Variants in DMD observed in about 807,000 individuals in gnomAD.
DMD encodes the protein dystrophin.
In DMD, 63 loss-of-function variants were observed where a neutral mutation model predicts 330.1. The ratio of observed to expected loss-of-function variants is 0.19; its 90% CI spans 0.16 to 0.24. The LOEUF is 0.24. Ranked by LOEUF, DMD falls within the 10% of genes least tolerant of loss-of-function variation. The pLI is 1.00. For missense variants in DMD, 3,344 were observed against 2,684.1 expected, an observed-to-expected ratio of 1.25 and a Z score of -5.43; for synonymous variants, 1,223 against 959.8, an observed-to-expected ratio of 1.27 and a Z score of -5.07.
At chrX:33,181,862 C>A (rs768387180) in intron 1 of DMD, among the ~76,000 whole-genome samples, 1 of 111,884 alleles carries the variant, frequency 8.9e-6, no homozygotes, top group Non-Finnish European at 1.9e-5. Context: ...TTGTAAGATC[C>A]TGCTTTTGAC....
intron 21 of DMD, among the ~76,000 whole-genome samples, chrX:32,482,388 A>G (rs2041985665): frequency 9.0e-6 from 1 of 111,689 alleles, no homozygotes; most frequent in South Asian, 3.7e-4. Flanking sequence ...TTTTATATCA[A>G]GAGACTCATA....
chrX:32,553,057 C>A (rs1198478395), intron 16 of DMD, among the ~76,000 whole-genome samples: 4 of 111,911 alleles, frequency 3.6e-5, no homozygotes, highest in Non-Finnish European at 7.5e-5. Context: ...CCAGCAATAA[C>A]AATTATTGGG....
chrX:32,467,694 C>T (rs1265870974), intron 23 of DMD, among the ~76,000 whole-genome samples: 4 of 104,385 alleles, frequency 3.8e-5, no homozygotes, highest in Non-Finnish European at 7.8e-5. Context: ...TATATATATA[C>T]ATATATATAT....
intron 74 of DMD, among the ~76,000 whole-genome samples, chrX:31,153,942 C>A (rs934863928): frequency 8.9e-6 from 1 of 112,029 alleles, no homozygotes; most frequent in African/African-American, 3.2e-5. Flanking sequence ...AGTCTGAATT[C>A]TCTTTTAAGG....
intron 47 of DMD, among the ~76,000 whole-genome samples, chrX:31,879,146 A>T (rs2094014329): frequency 9.3e-6 from 1 of 106,983 alleles, no homozygotes; most frequent in African/African-American, 3.4e-5. Context: ...GTTAACAAAG[A>T]CATATCTGAG....
At chrX:32,596,964 A>C (rs1053464078) in intron 12 of DMD, among the ~76,000 whole-genome samples, 1 of 111,687 alleles carries the variant, frequency 9.0e-6, no homozygotes, top group Non-Finnish European at 1.9e-5. Flanking sequence ...AAGAAAATTT[A>C]ACTTCTCTAC....
intron 52 of DMD, among the ~76,000 whole-genome samples, chrX:31,702,635 C>CT (rs1004432223): frequency 9.0e-6 from 1 of 111,170 alleles, no homozygotes; most frequent in African/African-American, 3.3e-5. Flanking sequence ...GGAACACAAC[C>CT]TTGTCTGTGC....
intron 60 of DMD, among the ~76,000 whole-genome samples, chrX:31,372,791 C>T (rs753746365): frequency 1.8e-5 from 2 of 111,493 alleles, no homozygotes; most frequent in Admixed American, 1.9e-4. Context: ...CTTACCACTC[C>T]TATTCAACAT....
chrX:32,119,667 GC>G (rs901769959), intron 44 of DMD, among the ~76,000 whole-genome samples: 3 of 111,423 alleles, frequency 2.7e-5, no homozygotes, highest in Non-Finnish European at 5.7e-5. Context: ...CTGTGATGTG[GC>G]CCTTTCTGTC....
At chrX:32,981,908 G>T (rs1168995366) in intron 2 of DMD, among the ~76,000 whole-genome samples, 1 of 111,263 alleles carries the variant, frequency 9.0e-6, no homozygotes, top group Non-Finnish European at 1.9e-5. Flanking sequence ...GATGTTCTCA[G>T]GTGCCAACAC....
In DMD at chrX:32,491,538, T is replaced by C; in HGVS notation, c.2381-20A>G. The C allele has an allele frequency of 8.4e-7, 1 of 1,193,505 alleles. No individual in the cohort carries two copies. The highest frequency in any genetic ancestry group is 1.1e-6 in the Non-Finnish European group (1 of 884,494). ...CACCCTCTAGAAAGAAAAAAATAAT[T>C]AAATATATCCCCTGAACCCACAGAC... On this transcript the variant is annotated intron_variant, in intron 19 of 78. Transcript: ENST00000357033.
At chrX:31,712,927 A>G (rs2084755184) in intron 52 of DMD, among the ~76,000 whole-genome samples, 1 of 110,892 alleles carries the variant, frequency 9.0e-6, no homozygotes, top group Admixed American at 9.7e-5. Flanking sequence ...TTCAATCTGA[A>G]CTCACATATA....
At chrX:32,934,130 A>T (rs895646304) in intron 2 of DMD, among the ~76,000 whole-genome samples, 1 of 112,103 alleles carries the variant, frequency 8.9e-6, no homozygotes, top group Non-Finnish European at 1.9e-5. Flanking sequence ...GGTAGTCATC[A>T]TCAAAAAACA....
intron 74 of DMD, among the ~76,000 whole-genome samples, chrX:31,157,914 C>A (rs766583687): frequency 9.2e-6 from 1 of 108,732 alleles, no homozygotes; most frequent in East Asian, 2.9e-4. Flanking sequence ...AGTGATCCTC[C>A]AGCCCCAGCC....
Position 32,998,608 on chromosome X carries a change from TATATATACAC to T in DMD, c.93+21521_93+21530del, listed in dbSNP as rs1251336310. On this transcript the variant is annotated intron_variant, in intron 2 of 78. Coordinates refer to ENST00000357033, the MANE Select transcript of DMD (RefSeq NM_004006.3). ...TTAAAGTTCTCTACCTATTTATATA[TATATATACAC>T]ACACACACACATTTGCATATATATG... Among the ~76,000 whole-genome samples the T allele has an allele frequency of 1.0e-3, 109 of 105,761 alleles. 1 individual carries two copies. Among genetic ancestry groups the T allele is most frequent in the Admixed American group, 6.4e-3 (61 of 9,556 alleles). The allele number at this position is 105,761 out of a possible 115,157, so 91.8% of individuals were successfully genotyped here.
chrX:33,268,943 G>A (rs922306235), intron 1 of DMD, among the ~76,000 whole-genome samples: 1 of 106,832 alleles, frequency 9.4e-6, no homozygotes, highest in Non-Finnish European at 1.9e-5. Context: ...AAAGATAAAC[G>A]CTGGTGAGGC....
At chrX:32,591,984 C>A (rs747752285) in intron 13 of DMD, among the ~76,000 whole-genome samples, 2 of 112,570 alleles carry the variant, frequency 1.8e-5, no homozygotes, top group East Asian at 5.6e-4. Context: ...CATGCCAGCC[C>A]CCTGCTGCCT....
At chrX:31,733,259 A>G (rs182523275) in intron 51 of DMD, among the ~76,000 whole-genome samples, 1,260 of 111,813 alleles carry the variant, frequency 0.011, 6 homozygotes, top group Non-Finnish European at 0.019. Flanking sequence ...GAAATCATAC[A>G]TATTATAACT....
intron 62 of DMD, among the ~76,000 whole-genome samples, chrX:31,306,991 C>G (rs1169875432): frequency 9.1e-6 from 1 of 110,326 alleles, no homozygotes; most frequent in Non-Finnish European, 1.9e-5. Context: ...CTATAGTTTC[C>G]AGGCCACGGC....
Sources: allele counts gnomAD v4.1 joint callset (sites outside exome capture counted in the v4.1 genomes callset), GRCh38; gene constraint gnomAD v4.1.1; transcripts MANE v1.5; gene names NCBI Gene and HGNC (gene_info 2026-07-23, HGNC 2026-07-21).